AKAP19: variants seen among roughly 807,000 people sequenced by gnomAD.
The protein encoded by AKAP19 is A-kinase anchoring protein 19.
the AKAP19 span, among the ~76,000 whole-genome samples, chr2:190,039,267 T>A: frequency 6.6e-6 from 1 of 151,974 alleles, no homozygotes; most frequent in Admixed American, 6.6e-5. Context: ...TTAGTAGAGA[T>A]GGAGTTTTGC....
the AKAP19 span, among the ~76,000 whole-genome samples, chr2:190,153,342 A>G: frequency 6.6e-6 from 1 of 152,214 alleles, no homozygotes; most frequent in East Asian, 1.9e-4. Context: ...ATACAATCAT[A>G]CCATCTGAAA....
At chr2:190,090,486 A>G in the AKAP19 span, among the ~76,000 whole-genome samples, 1 of 152,212 alleles carries the variant, frequency 6.6e-6, no homozygotes, top group African/African-American at 2.4e-5. Context: ...ATAGCTTCAA[A>G]GCAGATTCTT....
chr2:189,994,894 T>G, the AKAP19 span, among the ~76,000 whole-genome samples: 14 of 152,314 alleles, frequency 9.2e-5, no homozygotes, highest in South Asian at 2.1e-4. Flanking sequence ...CCACCATGCC[T>G]GGCCTGGAGC....
At chr2:189,962,486 T>A in the AKAP19 span, among the ~76,000 whole-genome samples, 1 of 152,286 alleles carries the variant, frequency 6.6e-6, no homozygotes, top group East Asian at 1.9e-4. Flanking sequence ...GGAAGAAATG[T>A]AAAAAATATT....
the AKAP19 span, among the ~76,000 whole-genome samples, chr2:190,127,192 G>GAAA: frequency 7.1e-6 from 1 of 141,110 alleles, no homozygotes; most frequent in African/African-American, 2.6e-5. Flanking sequence ...GCCCTGACTG[G>GAAA]AAAAAAAAAA....
At chr2:189,986,204 A>G in the AKAP19 span, among the ~76,000 whole-genome samples, 1 of 152,156 alleles carries the variant, frequency 6.6e-6, no homozygotes, top group Admixed American at 6.5e-5. Context: ...AGGTGTGGCC[A>G]TATCTAAAGT....
At chr2:189,906,450 T>G in the AKAP19 span, among the ~76,000 whole-genome samples, 7 of 152,112 alleles carry the variant, frequency 4.6e-5, no homozygotes, top group Non-Finnish European at 2.9e-5. Flanking sequence ...GTTATGTTCT[T>G]TCTTCCAGAA....
the AKAP19 span, among the ~76,000 whole-genome samples, chr2:190,157,868 C>T: frequency 6.6e-6 from 1 of 152,052 alleles, no homozygotes; most frequent in African/African-American, 2.4e-5. Context: ...AAGAGAGAGA[C>T]CCTCTCATAT....
the AKAP19 span, among the ~76,000 whole-genome samples, chr2:190,049,190 A>G: frequency 2.5e-4 from 38 of 152,190 alleles, no homozygotes; most frequent in Non-Finnish European, 5.1e-4. Flanking sequence ...TCTTAAATAC[A>G]TAGATTTCTT....
chr2:190,017,469 T>A, the AKAP19 span, among the ~76,000 whole-genome samples: 1 of 152,318 alleles, frequency 6.6e-6, no homozygotes, highest in East Asian at 1.9e-4. Flanking sequence ...GAGGCTCACA[T>A]AGACATTGTA....
the AKAP19 span, among the ~76,000 whole-genome samples, chr2:190,162,256 A>G: frequency 1.1e-3 from 160 of 152,282 alleles, no homozygotes; most frequent in African/African-American, 3.8e-3. Flanking sequence ...ATTGTAATAC[A>G]GTAATATTTT....
At chr2:189,984,372 C>G in the AKAP19 span, among the ~76,000 whole-genome samples, 1 of 152,280 alleles carries the variant, frequency 6.6e-6, no homozygotes, top group African/African-American at 2.4e-5. Context: ...AGCAATATTT[C>G]TCCCATTTGC....
chr2:189,926,651 G>A, the AKAP19 span, among the ~76,000 whole-genome samples: 1 of 137,348 alleles, frequency 7.3e-6, no homozygotes, highest in East Asian at 2.1e-4. Context: ...CGCGATCTCG[G>A]CTCACTGCAA....
At chr2:190,082,522 T>C in the AKAP19 span, among the ~76,000 whole-genome samples, 147,697 of 152,364 alleles carry the variant, frequency 0.97, 71,749 homozygotes, top group East Asian at 1. Context: ...ACACTAAACA[T>C]AGAACCTATA....
At chr2:190,045,245 G>A in the AKAP19 span, among the ~76,000 whole-genome samples, 2 of 152,112 alleles carry the variant, frequency 1.3e-5, no homozygotes, top group Non-Finnish European at 2.9e-5. Flanking sequence ...ACATTTTGGT[G>A]GAGCAGCTGT....
chr2:190,173,908 GTCT>G, the AKAP19 span, among the ~76,000 whole-genome samples: 1 of 151,974 alleles, frequency 6.6e-6, no homozygotes, highest in Non-Finnish European at 1.5e-5. Flanking sequence ...TGTTCTTTAC[GTCT>G]TCTTGCCCCT....
At chr2:190,073,805 A>G in the AKAP19 span, among the ~76,000 whole-genome samples, 2 of 151,998 alleles carry the variant, frequency 1.3e-5, no homozygotes, top group South Asian at 4.2e-4. Flanking sequence ...TAATCCCAGC[A>G]CTTTGGGAGG....
the AKAP19 span, among the ~76,000 whole-genome samples, chr2:190,063,677 G>A: frequency 1.3e-5 from 2 of 152,074 alleles, no homozygotes; most frequent in Admixed American, 6.6e-5. Flanking sequence ...TGATAAAGGG[G>A]TGACCTTTTG....
chr2:189,931,866 A>C, the AKAP19 span, among the ~76,000 whole-genome samples: 5 of 152,082 alleles, frequency 3.3e-5, no homozygotes, highest in African/African-American at 1.2e-4. Flanking sequence ...CAAGTGATCT[A>C]CCCACCTTGT....
Sources: gnomAD v4.1 joint callset for allele counts (sites outside exome capture counted in the v4.1 genomes callset) on GRCh38, gnomAD v4.1.1 for gene constraint, MANE v1.5 for transcripts, NCBI Gene and HGNC (gene_info 2026-07-23, HGNC 2026-07-21) for gene names.